The following NDST4 variants were observed in gnomAD, a reference collection of about 807,000 sequenced individuals.
NDST4 encodes N-deacetylase and N-sulfotransferase 4.
NDST4 carries 63 observed loss-of-function variants against 100.8 expected under a neutral mutation model. The observed-to-expected ratio is 0.62, with a 90% CI of 0.51 to 0.77. The LOEUF (loss-of-function observed/expected upper bound fraction) is 0.77. NDST4 is among the 30% of genes least tolerant of loss of function. The pLI, the probability that NDST4 is intolerant of heterozygous loss-of-function variation, is 0.00. For missense variants in NDST4, 943 were observed against 1,018.4 expected (o/e 0.93, Z 1.01); for synonymous variants, 377 against 361.8 (o/e 1.04, Z -0.48).
At position 115,100,437 on chromosome 4, in the gene NDST4, T is replaced by C. The variant is rs1729707834; in HGVS notation, c.-247+13007A>G. 1.3e-5 allele frequency among the ~76,000 whole-genome samples: 2 copies of C among 152,006 alleles called. 1 individual carries two copies. The highest frequency in any genetic ancestry group is 4.1e-4 in the South Asian group (2 of 4,822). On this transcript the variant is annotated intron_variant, in intron 1 of 13. Transcript: ENST00000264363. ...GAAAGTCTTTGTACTTTCTGTTCAA[T>C]TTCTGCTGGGAATCTTAAAGTGCTC...
chr4:115,061,107 A>G (rs1728809938), intron 2 of NDST4, among the ~76,000 whole-genome samples: 1 of 152,124 alleles, frequency 6.6e-6, no homozygotes, highest in African/African-American at 2.4e-5. Context: ...TGCAAATCAA[A>G]ACCACAATGA....
At chr4:114,853,039 T>G (rs974450986) in intron 7 of NDST4, among the ~76,000 whole-genome samples, 11 of 152,194 alleles carry the variant, frequency 7.2e-5, no homozygotes, top group African/African-American at 2.7e-4. Flanking sequence ...CTTCCTGTTG[T>G]TATCATCTTT....
At chr4:115,024,965 T>C (rs572282373) in intron 2 of NDST4, among the ~76,000 whole-genome samples, 1 of 152,332 alleles carries the variant, frequency 6.6e-6, no homozygotes, top group African/African-American at 2.4e-5. Context: ...CCCTATTTTT[T>C]CTCTGTTTTG....
At chr4:114,963,191 G>T (rs1165887042) in intron 4 of NDST4, among the ~76,000 whole-genome samples, 1 of 151,956 alleles carries the variant, frequency 6.6e-6, no homozygotes, top group East Asian at 1.9e-4. Flanking sequence ...GATAAGGAAT[G>T]GATATATAAT....
intron 2 of NDST4, among the ~76,000 whole-genome samples, chr4:115,024,527 C>G (rs914768078): frequency 6.6e-6 from 1 of 152,070 alleles, no homozygotes; most frequent in Admixed American, 6.6e-5. Flanking sequence ...ATGGGAATGC[C>G]TCTCCTTTGC....
intron 4 of NDST4, among the ~76,000 whole-genome samples, chr4:114,945,301 T>A (rs1323845539): frequency 1.4e-5 from 2 of 143,292 alleles, no homozygotes; most frequent in Non-Finnish European, 3.0e-5. Context: ...TTTACACAAA[T>A]CGCTGGGCAG....
chr4:114,831,456 G>A lies in NDST4; in HGVS notation c.2397-1564C>T, dbSNP rs545346913. On this transcript the variant is annotated intron_variant, in intron 12 of 13. Coordinates refer to ENST00000264363, the MANE Select transcript of NDST4 (RefSeq NM_022569.3). ...CAATTCAGCATGCTGTATAAAATGA[G>A]ATGAAGTTGGCATAACAGTGCCCCT... 7.9e-5 allele frequency among the ~76,000 whole-genome samples: 12 copies of A among 152,298 alleles called. No homozygotes were observed. In the East Asian group the frequency reaches 1.9e-3, roughly 25 times the overall value.
At chr4:115,060,346 A>G (rs768341942) in intron 2 of NDST4, among the ~76,000 whole-genome samples, 7 of 151,954 alleles carry the variant, frequency 4.6e-5, no homozygotes, top group African/African-American at 9.7e-5. Context: ...AGATTTCTAT[A>G]ACTTCTCTTA....
chr4:115,080,428 C>T lies in NDST4; in HGVS notation c.-246-3146G>A, dbSNP rs118109963. On this transcript the variant is annotated intron_variant, in intron 1 of 13. Coordinates refer to ENST00000264363, the MANE Select transcript of NDST4 (RefSeq NM_022569.3). ...CTGGGATTGCAGGCATGAGTGACTA[C>T]GCCCAGCCAAATGAAATTCTTTAAT... Among the ~76,000 whole-genome samples, 26 of 152,194 alleles carry T rather than the reference C, an allele frequency of 1.7e-4. No individual in the cohort carries two copies. The East Asian group carries it at 4.2e-3, about 25-fold the overall frequency.
At chr4:114,898,550 C>T (rs1290868616) in intron 6 of NDST4, among the ~76,000 whole-genome samples, 2 of 152,102 alleles carry the variant, frequency 1.3e-5, no homozygotes, top group Non-Finnish European at 2.9e-5. Context: ...CTCGTATAAA[C>T]TTTAAAATCA....
chr4:115,003,077 C>A lies in NDST4; in HGVS notation c.979-25803G>T, dbSNP rs1727332972. Reference sequence around the variant, plus strand: ...GGAACATCATACACTGGGGCCTGACCAGGGCTGCAGGGACAAAGGGAGGGA... The same window carrying A: ...GGAACATCATACACTGGGGCCTGACAAGGGCTGCAGGGACAAAGGGAGGGA... On this transcript the variant is annotated intron_variant, in intron 2 of 13. Transcript: ENST00000264363. Among the ~76,000 whole-genome samples, 6 of 151,964 alleles carry A rather than the reference C, an allele frequency of 3.9e-5. No homozygotes were observed. The South Asian group carries it at 1.0e-3, about 26-fold the overall frequency.
intron 2 of NDST4, among the ~76,000 whole-genome samples, chr4:115,018,016 A>AT (rs1727727495): frequency 6.6e-6 from 1 of 152,032 alleles, no homozygotes; most frequent in Non-Finnish European, 1.5e-5. Flanking sequence ...ATATGTTAAT[A>AT]TGGATATATG....
At chr4:114,904,540 A>T (rs1407135637) in intron 6 of NDST4, among the ~76,000 whole-genome samples, 1 of 151,934 alleles carries the variant, frequency 6.6e-6, no homozygotes, top group African/African-American at 2.4e-5. Flanking sequence ...AAGAATAAAA[A>T]TGTGTGTTTT....
chr4:115,003,400 G>T (rs146729422), intron 2 of NDST4, among the ~76,000 whole-genome samples: 2 of 152,084 alleles, frequency 1.3e-5, no homozygotes, highest in Admixed American at 6.6e-5. Context: ...CAAAGCTGAT[G>T]CATGATTACA....
intron 2 of NDST4, among the ~76,000 whole-genome samples, chr4:115,003,605 C>T (rs10029780): frequency 0.45 from 68,008 of 151,906 alleles, 16,772 homozygotes; most frequent in Non-Finnish European, 0.58. Context: ...CGGTGGCTCA[C>T]GCCTGTAATC....
chr4:115,085,318 T>G (rs894374053), intron 1 of NDST4, among the ~76,000 whole-genome samples: 1 of 152,220 alleles, frequency 6.6e-6, no homozygotes, highest in Admixed American at 6.5e-5. Flanking sequence ...CAGAAGGGAC[T>G]TGCCTTGTCT....
intron 4 of NDST4, among the ~76,000 whole-genome samples, chr4:114,956,462 T>C (rs1028695908): frequency 1.4e-4 from 22 of 152,166 alleles, no homozygotes; most frequent in Non-Finnish European, 2.9e-5. Flanking sequence ...AAGTGAATCA[T>C]TGACTAAATA....
intron 6 of NDST4, among the ~76,000 whole-genome samples, chr4:114,906,070 A>C (rs929634965): frequency 1.3e-5 from 2 of 152,012 alleles, no homozygotes; most frequent in Admixed American, 6.6e-5. Flanking sequence ...AAAAAGAAAA[A>C]TGATGAACCT....
intron 6 of NDST4, among the ~76,000 whole-genome samples, chr4:114,921,926 A>C (rs1725295935): frequency 1.4e-5 from 2 of 146,550 alleles, no homozygotes; most frequent in Admixed American, 6.8e-5. Context: ...TCTTTTCTTG[A>C]CTCCTCTCCC....
Sources: gnomAD v4.1 joint callset for allele counts (sites outside exome capture counted in the v4.1 genomes callset) on GRCh38, gnomAD v4.1.1 for gene constraint, MANE v1.5 for transcripts, NCBI Gene and HGNC (gene_info 2026-07-23, HGNC 2026-07-21) for gene names.